The following KEL variants were observed in gnomAD, a reference collection of about 807,000 sequenced individuals.
KEL encodes Kell metallo-endopeptidase (Kell blood group).
Under a neutral mutation model 99.5 loss-of-function variants are expected in KEL, and 96 were observed. The observed-to-expected ratio is 0.97, with a 90% CI of 0.82 to 1.14. KEL has a LOEUF of 1.14. Among genes scored for constraint, KEL ranks in the 50% most tolerant of loss-of-function variants. The pLI is 0.00. For synonymous variants in KEL, 355 were observed against 354.8 expected, an observed-to-expected ratio of 1.00 and a Z score of -0.01; for missense variants, 926 against 924.2, an observed-to-expected ratio of 1.00 and a Z score of -0.03.
intron 10 of KEL, among the ~76,000 whole-genome samples, chr7:142,950,305 T>G (rs1203365241): frequency 6.6e-6 from 1 of 152,150 alleles, no homozygotes; most frequent in Non-Finnish European, 1.5e-5. Context: ...CCCTCCCCAC[T>G]ATTGTCCTAG....
intron 18 of KEL, 39 bp downstream of exon 18, chr7:142,942,395 A>T (rs1207406184): frequency 1.4e-6 from 2 of 1,438,342 alleles, no homozygotes; most frequent in Admixed American, 1.9e-5. Context: ...CGTTCAACTG[A>T]CATAAAGCAA....
chr7:142,949,540 C>G (rs1718217568), intron 10 of KEL, among the ~76,000 whole-genome samples: 1 of 152,110 alleles, frequency 6.6e-6, no homozygotes, highest in Admixed American at 6.6e-5. Context: ...CTTCTTTCAC[C>G]AGGATATGTG....
At chr7:142,942,691 T>A (rs979861452) in intron 17 of KEL, among the ~76,000 whole-genome samples, 162 bp from the exon 18 acceptor site, 9 of 152,168 alleles carry the variant, frequency 5.9e-5, no homozygotes, top group Non-Finnish European at 1.3e-4. Context: ...GACCTATAGA[T>A]GTCCTAAAAT....
intron 5 of KEL, 150 bp downstream of exon 5, chr7:142,958,154 G>T: frequency 7.6e-7 from 1 of 1,308,664 alleles, no homozygotes; most frequent in Non-Finnish European, 1.1e-6. Flanking sequence ...CTTTCATAGG[G>T]CATAACCATT....
At chr7:142,960,218 A>C (rs1036037819) in intron 4 of KEL, among the ~76,000 whole-genome samples, 1 of 152,156 alleles carries the variant, frequency 6.6e-6, no homozygotes, top group African/African-American at 2.4e-5. Flanking sequence ...CACAGTGATG[A>C]AGCCCTCTCT....
At chr7:142,956,759 G>T (rs749522673) in intron 6 of KEL, among the ~76,000 whole-genome samples, 2 of 152,056 alleles carry the variant, frequency 1.3e-5, no homozygotes, top group Admixed American at 1.3e-4. Context: ...GATCTTAACC[G>T]GCCCCTAAAG....
Position 142,942,800 on chromosome 7 carries a change from G to C in KEL, c.1941+75C>G, listed in dbSNP as rs1285159043. 2.6e-6 allele frequency: 4 copies of C among 1,556,070 alleles called. No individual in the cohort carries two copies. In the Admixed American group the frequency reaches 6.7e-5, roughly 26 times the overall value. On this transcript the variant is annotated intron_variant, in intron 17 of 18. Coordinates refer to ENST00000355265, the MANE Select transcript of KEL (RefSeq NM_000420.3). ...ATGCAACTGTACTTGTGTCAGGAATGGTGGAAGGAAAACTTGAGGACATGT... is the reference window on the plus strand; with the variant it reads ...ATGCAACTGTACTTGTGTCAGGAATCGTGGAAGGAAAACTTGAGGACATGT...
intron 14 of KEL, 33 bp from the exon 15 acceptor site, chr7:142,943,629 C>G (rs189306574): frequency 6.6e-7 from 1 of 1,526,100 alleles, no homozygotes; most frequent in East Asian, 2.3e-5. Context: ...CTCCAGCCCC[C>G]ACCACGTATT....
At chr7:142,948,838 T>G (rs139432538) in intron 10 of KEL, among the ~76,000 whole-genome samples, 1 of 151,926 alleles carries the variant, frequency 6.6e-6, no homozygotes, top group African/African-American at 2.4e-5. Flanking sequence ...AGCTGCATCA[T>G]GTAGCGACAG....
At chr7:142,951,198 G>A (rs1345408208) in intron 10 of KEL, among the ~76,000 whole-genome samples, 3 of 152,188 alleles carry the variant, frequency 2.0e-5, no homozygotes, top group Non-Finnish European at 4.4e-5. Flanking sequence ...ATGGCTTCAG[G>A]ACATCTAAGC....
At position 142,961,393 on chromosome 7, in the gene KEL, G is replaced by A. The variant is rs141415549; in HGVS notation, c.190C>T (p.Leu64Phe). Residue 64 changes from leucine (L) to phenylalanine (F), a missense_variant, in exon 3 of 19, where the codon CTT (leucine) becomes TTT (phenylalanine). Transcript: ENST00000355265. ...ILGLLLCFSV[L>F]LFYNFQNCGP... ...CAGTTCTGGAAGTTGTAGAACAAAA[G>A]CACAGAAAAACAAAGGAGCAGGCCC... 15 of 1,613,490 alleles carry A rather than the reference G, an allele frequency of 9.3e-6. No homozygotes were observed. In the African/African-American group the frequency reaches 1.7e-4, roughly 19 times the overall value.
chr7:142,944,899 G>C (rs1796482192), intron 11 of KEL, 158 bp from the exon 12 acceptor site: 1 of 682,638 alleles, frequency 1.5e-6, no homozygotes, highest in Non-Finnish European at 2.6e-6. Flanking sequence ...GCAACTAAAG[G>C]ATCTGTGGAG....
Position 142,943,263 on chromosome 7 carries a change from C to T in KEL, c.1771+13G>A. ...CCCTATTATCCCACCTCCCAGTGGCCCCTGTTACCCACAGAGCTGGTAGAA... is the reference window on the plus strand; with the variant it reads ...CCCTATTATCCCACCTCCCAGTGGCTCCTGTTACCCACAGAGCTGGTAGAA... On this transcript the variant is annotated intron_variant, in intron 16 of 18. Transcript: ENST00000355265. The T allele has an allele frequency of 6.2e-7, 1 of 1,613,316 alleles. No individual in the cohort carries two copies. The highest frequency in any genetic ancestry group is 2.2e-5 in the East Asian group (1 of 44,880).
intron 11 of KEL, 85 bp from the exon 12 acceptor site, chr7:142,944,826 A>G: frequency 9.0e-7 from 1 of 1,116,014 alleles, no homozygotes; most frequent in Non-Finnish European, 1.3e-6. Flanking sequence ...ACCCTTGGAA[A>G]AGGGCTTGGC....
At position 142,943,613 on chromosome 7, in the gene KEL, T is replaced by C. The variant is rs958297673; in HGVS notation, c.1593-17A>G. 3 of 1,588,096 alleles carry C rather than the reference T, an allele frequency of 1.9e-6. No homozygotes were observed. Among genetic ancestry groups the C allele is most frequent in the South Asian group, 1.1e-5 (1 of 90,438 alleles). On this transcript the variant is annotated splice_polypyrimidine_tract_variant and intron_variant, in intron 14 of 18. Transcript: ENST00000355265. ...ACCTTCCACCTGTGGGAAGAGGACA[T>C]GTGAACTCCAGCCCCCACCACGTAT...
At position 142,944,615 on chromosome 7, in the gene KEL, CCA is replaced by C. The variant is rs1177365541; in HGVS notation, c.1413+26_1413+27del. 2.6e-6 allele frequency: 4 copies of C among 1,564,966 alleles called. No individual in the cohort carries two copies. In the African/African-American group the frequency reaches 5.4e-5, roughly 21 times the overall value. ...AATACTCCATTCCCTGCACAGGCTC[CCA>C]CACCAGCCAGGACGCCTGGCCTGAC... On this transcript the variant is annotated intron_variant, in intron 12 of 18. Coordinates refer to ENST00000355265, the MANE Select transcript of KEL (RefSeq NM_000420.3).
rs760254899 is a variant in KEL at position 142,954,222 on chromosome 7, C to A, written c.886G>T (p.Gly296Cys). 5 of 1,612,988 alleles carry A rather than the reference C, an allele frequency of 3.1e-6. No individual in the cohort carries two copies. The highest frequency in any genetic ancestry group is 3.4e-6 in the Non-Finnish European group (4 of 1,179,998). Residue 296 changes from glycine (G) to cysteine (C), a missense_variant, in exon 8 of 19, where the codon GGC becomes TGC. Gly to Cys is a radical substitution (Grantham distance 159). Coordinates refer to ENST00000355265, the MANE Select transcript of KEL (RefSeq NM_000420.3). The part of the protein sequence containing the change: ...LRPLEQRRAQ[G>C]KLFQMVTIDQ... The stretch of plus-strand genomic sequence containing the variant: ...ATAGTGACCATCTGGAAGAGCTTGC[C>A]CTGTGCCCGCCGCTGCTCCAGGGGC...
chr7:142,960,947 G>A lies in KEL; in HGVS notation c.381C>T (p.Asn127=). Reference sequence around the variant, plus strand: ...CCTCACCCAGTATTCTCCGAAGTCGGTTTTTGTTCTTTGTGGCAAGCTCCT... The same window carrying A: ...CCTCACCCAGTATTCTCCGAAGTCGATTTTTGTTCTTTGTGGCAAGCTCCT... ...SFQELATKNK[N]RLRRILEVQN... The change falls in exon 4 of 19, where the codon AAC becomes AAT. Residue 127 remains asparagine, a synonymous_variant. Coordinates refer to ENST00000355265, the MANE Select transcript of KEL (RefSeq NM_000420.3). 6.2e-6 allele frequency: 10 copies of A among 1,614,210 alleles called. No individual in the cohort carries two copies. The highest frequency in any genetic ancestry group is 8.5e-6 in the Non-Finnish European group (10 of 1,180,032).
intron 4 of KEL, among the ~76,000 whole-genome samples, chr7:142,960,688 C>T (rs8175963): frequency 0.15 from 23,299 of 151,824 alleles, 3,817 homozygotes; most frequent in African/African-American, 0.42. Context: ...CCAAGAGAAA[C>T]GGAAGAAGGG....
Sources: gnomAD v4.1 joint callset for allele counts (sites outside exome capture counted in the v4.1 genomes callset) on GRCh38, gnomAD v4.1.1 for gene constraint, MANE v1.5 for transcripts, NCBI Gene and HGNC (gene_info 2026-07-23, HGNC 2026-07-21) for gene names.